Variants in KHDRBS2 observed in about 807,000 individuals in gnomAD.
KHDRBS2 encodes the protein KH domain-containing, RNA-binding, signal transduction-associated protein 2.
In KHDRBS2, 26 loss-of-function variants were observed where a neutral mutation model predicts 44.3. The observed-to-expected ratio is 0.59, with a 90% CI of 0.43 to 0.81. The LOEUF (loss-of-function observed/expected upper bound fraction) is 0.81. Among genes scored for constraint, KHDRBS2 ranks in the 40% least tolerant of loss-of-function variants. The pLI is 0.00. For missense variants in KHDRBS2, 476 were observed against 433.1 expected, an observed-to-expected ratio of 1.10 and a Z score of -0.88; for synonymous variants, 194 against 151.1, an observed-to-expected ratio of 1.28 and a Z score of -2.08.
intron 6 of KHDRBS2, among the ~76,000 whole-genome samples, chr6:61,870,370 G>GA (rs1033926166): frequency 6.6e-6 from 1 of 152,048 alleles, no homozygotes; most frequent in African/African-American, 2.4e-5. Context: ...GGGCATCTCT[G>GA]AAAAAAAGGC....
chr6:61,710,646 T>C (rs1333025147), intron 7 of KHDRBS2, among the ~76,000 whole-genome samples: 1 of 151,108 alleles, frequency 6.6e-6, no homozygotes. Flanking sequence ...TCCAGGAAGG[T>C]ATTCATCATC....
At chr6:61,923,927 TAGA>T (rs1375812210) in intron 4 of KHDRBS2, among the ~76,000 whole-genome samples, 2 of 151,870 alleles carry the variant, frequency 1.3e-5, no homozygotes, top group Non-Finnish European at 2.9e-5. Context: ...AAAAAGTAAA[TAGA>T]AGCCATTAGT....
At chr6:62,022,487 C>T (rs1465886876) in intron 3 of KHDRBS2, among the ~76,000 whole-genome samples, 1 of 151,670 alleles carries the variant, frequency 6.6e-6, no homozygotes, top group African/African-American at 2.4e-5. Context: ...GGCCATCTTA[C>T]TAGGTGAAGA....
At chr6:62,245,178 C>T (rs1835335877) in intron 1 of KHDRBS2, among the ~76,000 whole-genome samples, 1 of 152,086 alleles carries the variant, frequency 6.6e-6, no homozygotes. Flanking sequence ...TTAATGCTTC[C>T]TAGAAGATTT....
At chr6:61,885,944 T>C (rs769212438) in intron 6 of KHDRBS2, among the ~76,000 whole-genome samples, 6 of 152,140 alleles carry the variant, frequency 3.9e-5, no homozygotes, top group Admixed American at 6.5e-5. Flanking sequence ...GCTTGCTTTT[T>C]CTTACTCCTC....
At chr6:62,197,545 C>T (rs1283268055) in intron 1 of KHDRBS2, among the ~76,000 whole-genome samples, 1 of 152,080 alleles carries the variant, frequency 6.6e-6, no homozygotes, top group Non-Finnish European at 1.5e-5. Flanking sequence ...TTATCACACT[C>T]AGCATTAAAA....
chr6:62,226,894 G>C (rs1383851652), intron 1 of KHDRBS2, among the ~76,000 whole-genome samples: 1 of 151,998 alleles, frequency 6.6e-6, no homozygotes, highest in Non-Finnish European at 1.5e-5. Context: ...TGTCAGTTTT[G>C]GTTCTAGTAC....
intron 2 of KHDRBS2, among the ~76,000 whole-genome samples, chr6:62,127,142 G>T (rs1023799379): frequency 3.3e-5 from 5 of 152,138 alleles, no homozygotes; most frequent in Admixed American, 2.6e-4. Context: ...TGGCAAGTGA[G>T]TCTCCTTACT....
At chr6:61,684,003 A>G (rs1303837842) in intron 8 of KHDRBS2, among the ~76,000 whole-genome samples, 1 of 151,970 alleles carries the variant, frequency 6.6e-6, no homozygotes, top group Non-Finnish European at 1.5e-5. Context: ...CATTGTTTAC[A>G]TGTTCTTGGT....
Position 61,919,437 on chromosome 6 carries a change from C to T in KHDRBS2, c.484-18066G>A, listed in dbSNP as rs151316041. Among the ~76,000 whole-genome samples the T allele has an allele frequency of 1.6e-4, 24 of 151,844 alleles. No homozygotes were observed. The East Asian group carries it at 3.3e-3, about 21-fold the overall frequency. ...AGTCATTTGTAGGCACATTGGGAAT[C>T]GACTGTGCAGAGCTTGATGAGGTCT... On this transcript the variant is annotated intron_variant, in intron 4 of 8. Coordinates refer to ENST00000281156, the MANE Select transcript of KHDRBS2 (RefSeq NM_152688.4).
At chr6:61,576,333 T>C in the KHDRBS2 span, among the ~76,000 whole-genome samples, 1 of 152,114 alleles carries the variant, frequency 6.6e-6, no homozygotes, top group African/African-American at 2.4e-5. Flanking sequence ...GGTATATATA[T>C]TTTTTGTAGC....
chr6:61,753,396 C>T (rs958274937), intron 6 of KHDRBS2, among the ~76,000 whole-genome samples: 1 of 151,858 alleles, frequency 6.6e-6, no homozygotes, highest in Non-Finnish European at 1.5e-5. Flanking sequence ...GGTACCCCCA[C>T]CCCCCCAAAC....
intron 6 of KHDRBS2, among the ~76,000 whole-genome samples, chr6:61,848,552 C>CATATATATGTATATATATATACAT (rs1794922354): frequency 2.7e-5 from 1 of 37,250 alleles, no homozygotes; most frequent in African/African-American, 1.1e-4. Context: ...TATATATATA[C>CATATATATGTATATATATATACAT]ATATATATAT....
At chr6:61,597,152 T>A in the KHDRBS2 span, among the ~76,000 whole-genome samples, 1 of 152,300 alleles carries the variant, frequency 6.6e-6, no homozygotes, top group Non-Finnish European at 1.5e-5. Flanking sequence ...TAAGTCAATA[T>A]CTTTCTCATG....
At chr6:61,988,908 T>C (rs1051718843) in intron 3 of KHDRBS2, among the ~76,000 whole-genome samples, 5 of 152,180 alleles carry the variant, frequency 3.3e-5, no homozygotes, top group Non-Finnish European at 7.3e-5. Context: ...ACACATGCCA[T>C]TTAAACACAT....
Position 62,274,464 on chromosome 6 carries a change from A to G in KHDRBS2, c.91+11394T>C, listed in dbSNP as rs192603472. 5.9e-5 allele frequency among the ~76,000 whole-genome samples: 9 copies of G among 152,270 alleles called. No homozygotes were observed. In the East Asian group the frequency reaches 1.7e-3, roughly 29 times the overall value. On this transcript the variant is annotated intron_variant, in intron 1 of 8. Transcript: ENST00000281156. ...TACAAGGTATGTGTGATAAGCCTCTACCACTCTCTCTAGACACACTCTTCT... is the reference window on the plus strand; with the variant it reads ...TACAAGGTATGTGTGATAAGCCTCTGCCACTCTCTCTAGACACACTCTTCT...
chr6:62,179,248 A>G (rs566751585), intron 1 of KHDRBS2, among the ~76,000 whole-genome samples: 3 of 151,800 alleles, frequency 2.0e-5, no homozygotes, highest in South Asian at 4.1e-4. Context: ...TAATCATCTT[A>G]TCAGTTACAC....
Position 62,164,090 on chromosome 6 carries a change from G to A in KHDRBS2, c.219+13095C>T, listed in dbSNP as rs149010210. ...TTTACATTCATAATAGATTTTGATG[G>A]GTTTTGGAGTCATGTCTGGGGTTAA... On this transcript the variant is annotated intron_variant, in intron 2 of 8. Transcript: ENST00000281156. Among the ~76,000 whole-genome samples, 348 of 151,832 alleles carry A rather than the reference G, an allele frequency of 2.3e-3. 1 individual carries two copies. Among genetic ancestry groups the A allele is most frequent in the African/African-American group, 7.6e-3 (317 of 41,466 alleles).
intron 6 of KHDRBS2, among the ~76,000 whole-genome samples, chr6:61,868,086 C>T (rs1798044497): frequency 6.6e-6 from 1 of 152,126 alleles, no homozygotes; most frequent in African/African-American, 2.4e-5. Context: ...TGGCAGCCCA[C>T]CCCGACCCCC....
Sources: allele counts gnomAD v4.1 joint callset (sites outside exome capture counted in the v4.1 genomes callset), GRCh38; gene constraint gnomAD v4.1.1; transcripts MANE v1.5; gene names NCBI Gene and HGNC (gene_info 2026-07-23, HGNC 2026-07-21).